Variants in CDH7 observed in about 807,000 individuals in gnomAD.
The protein encoded by CDH7 is cadherin 7.
Under a neutral mutation model 71.8 loss-of-function variants are expected in CDH7, and 25 were observed. The observed-to-expected ratio is 0.35, with a 90% CI of 0.25 to 0.49. The LOEUF (loss-of-function observed/expected upper bound fraction) is 0.49, where lower values mean the gene tolerates loss of function less well. CDH7 is among the 20% of genes least tolerant of loss of function. The pLI is 0.99. For missense variants in CDH7, 862 were observed against 974.6 expected (o/e 0.88, Z 1.54); for synonymous variants, 381 against 363.8 (o/e 1.05, Z -0.54).
intron 11 of CDH7, among the ~76,000 whole-genome samples, chr18:65,876,664 A>T (rs1363175843): frequency 4.6e-5 from 7 of 152,140 alleles, no homozygotes; most frequent in African/African-American, 1.7e-4. Context: ...TCTTTATAAG[A>T]TCATGTGTCC....
In CDH7 at chr18:65,886,132, T is replaced by G. The variant is rs1048139622; in HGVS notation, c.*5238T>G. The G allele has an allele frequency of 6.6e-6, 1 of 152,178 alleles. No homozygotes were observed. The highest frequency in any genetic ancestry group is 1.9e-4 in the East Asian group (1 of 5,194). 9.4% of individuals were successfully genotyped at this position (152,178 alleles called of 1,614,324 possible). ...TTTTCATTCTCTGAACTTTTATAGC[T>G]TCATGATTAAAATTGAGTTAATTAC... On this transcript the variant is annotated 3_prime_UTR_variant, in exon 12 of 12. Transcript: ENST00000397968.
At position 65,890,221 on chromosome 18, in the gene CDH7, T is replaced by G. The variant is rs1441556302; in HGVS notation, c.*9327T>G. On this transcript the variant is annotated 3_prime_UTR_variant, in exon 12 of 12. Coordinates refer to ENST00000397968, the MANE Select transcript of CDH7 (RefSeq NM_004361.5). The stretch of plus-strand genomic sequence containing the variant: ...TCCATTTAACCAATATTGTTATAAA[T>G]TTATGAAGCTTCAATTCTAGCAAAA... 1 of 152,192 alleles carries G rather than the reference T, an allele frequency of 6.6e-6. No homozygotes were observed. Among genetic ancestry groups the G allele is most frequent in the Non-Finnish European group, 1.5e-5 (1 of 68,030 alleles). The allele number at this position is 152,192 out of a possible 1,614,324, so 9.4% of individuals were successfully genotyped here. A position where few individuals can be genotyped will look rare whatever the true frequency, so the allele number is the denominator to read the frequency against.
chr18:65,837,654 G>A (rs955069317), intron 6 of CDH7, among the ~76,000 whole-genome samples: 48 of 152,118 alleles, frequency 3.2e-4, no homozygotes, highest in Admixed American at 3.1e-3. Flanking sequence ...CTAAAGAGAG[G>A]TCAGGGGCCT....
intron 2 of CDH7, among the ~76,000 whole-genome samples, chr18:65,769,107 G>A (rs986575199): frequency 6.6e-6 from 1 of 152,162 alleles, no homozygotes; most frequent in African/African-American, 2.4e-5. Flanking sequence ...ACCAACAGCT[G>A]TGGAGGTGGT....
chr18:65,760,776 T>A (rs961402530), intron 1 of CDH7, among the ~76,000 whole-genome samples: 2 of 152,190 alleles, frequency 1.3e-5, no homozygotes, highest in Admixed American at 1.3e-4. Flanking sequence ...CAGCCATTCC[T>A]ACTGAAGACC....
intron 2 of CDH7, among the ~76,000 whole-genome samples, chr18:65,794,367 T>C (rs1045077429): frequency 1.2e-4 from 18 of 152,128 alleles, no homozygotes; most frequent in Non-Finnish European, 2.5e-4. Context: ...TACTATGGAT[T>C]AGAGATGTTG....
chr18:65,774,671 T>C (rs1909870447), intron 2 of CDH7, among the ~76,000 whole-genome samples: 1 of 151,936 alleles, frequency 6.6e-6, no homozygotes, highest in African/African-American at 2.4e-5. Flanking sequence ...TCTCAGATAA[T>C]GTTGAGAGCC....
intron 2 of CDH7, among the ~76,000 whole-genome samples, chr18:65,788,579 G>C (rs962959420): frequency 6.6e-6 from 1 of 152,168 alleles, no homozygotes; most frequent in Non-Finnish European, 1.5e-5. Flanking sequence ...GGGGCCATCT[G>C]CCGGCTTGCT....
Position 65,854,932 on chromosome 18 carries a change from T to TATATATACAC in CDH7, c.1236-2883_1236-2882insTATATACACA, listed in dbSNP as rs67623413. ...GTATATGTGTACACATATATATATATACACACACATATATATACACACACA... is the reference window on the plus strand; with the variant it reads ...GTATATGTGTACACATATATATATATATATATACACACACACACATATATATACACACACA... On this transcript the variant is annotated intron_variant, in intron 7 of 11. Transcript: ENST00000397968. Among the ~76,000 whole-genome samples, 133 of 148,866 alleles carry TATATATACAC rather than the reference T, an allele frequency of 8.9e-4. 1 individual carries two copies. Among genetic ancestry groups the TATATATACAC allele is most frequent in the Middle Eastern group, 3.6e-3 (1 of 276 alleles).
intron 2 of CDH7, among the ~76,000 whole-genome samples, chr18:65,793,632 C>T (rs770395186): frequency 2.7e-4 from 41 of 152,110 alleles, no homozygotes; most frequent in Non-Finnish European, 4.9e-4. Context: ...AACATCTCAT[C>T]ACACTGTACT....
chr18:65,823,993 A>C (rs996626055), intron 5 of CDH7, among the ~76,000 whole-genome samples: 5 of 151,250 alleles, frequency 3.3e-5, no homozygotes, highest in African/African-American at 1.2e-4. Context: ...GTTATTACAA[A>C]AGTTAAACCA....
chr18:65,811,134 T>C (rs1383881820), intron 3 of CDH7, among the ~76,000 whole-genome samples: 3 of 151,148 alleles, frequency 2.0e-5, no homozygotes, highest in Non-Finnish European at 4.4e-5. Flanking sequence ...TTATTTAAAA[T>C]AATAATGGAA....
chr18:65,788,715 G>C (rs1910599301), intron 2 of CDH7, among the ~76,000 whole-genome samples: 1 of 152,158 alleles, frequency 6.6e-6, no homozygotes, highest in Non-Finnish European at 1.5e-5. Context: ...GAACAGAATA[G>C]TGAATGCTAT....
chr18:65,848,155 T>C (rs1030223811), intron 7 of CDH7, among the ~76,000 whole-genome samples: 2 of 152,094 alleles, frequency 1.3e-5, no homozygotes, highest in African/African-American at 2.4e-5. Context: ...TTCTGAGTGA[T>C]AGAAACTTCA....
At chr18:65,855,577 A>G (rs192682990) in intron 7 of CDH7, among the ~76,000 whole-genome samples, 100 of 152,288 alleles carry the variant, frequency 6.6e-4, no homozygotes, top group Non-Finnish European at 1.2e-3. Flanking sequence ...AAATAATCCC[A>G]TAACTATTAA....
intron 6 of CDH7, among the ~76,000 whole-genome samples, chr18:65,841,051 T>C (rs1426969318): frequency 6.6e-6 from 1 of 152,176 alleles, no homozygotes; most frequent in Admixed American, 6.6e-5. Context: ...ATCACATCTT[T>C]GAAAACTAGA....
chr18:65,862,656 G>T lies in CDH7; in HGVS notation c.1613-10G>T, dbSNP rs776405842. 2.5e-6 allele frequency: 4 copies of T among 1,611,874 alleles called. No homozygotes were observed. The highest frequency in any genetic ancestry group is 8.5e-7 in the Non-Finnish European group (1 of 1,178,454). On this transcript the variant is annotated splice_polypyrimidine_tract_variant and intron_variant, in intron 10 of 11. Coordinates refer to ENST00000397968, the MANE Select transcript of CDH7 (RefSeq NM_004361.5). Reference sequence around the variant, plus strand: ...AATCTGGTGTTATACATTTGCTTTCGTTATCCTAGACAACACAGCCTCAAT... The same window carrying T: ...AATCTGGTGTTATACATTTGCTTTCTTTATCCTAGACAACACAGCCTCAAT...
In CDH7 at chr18:65,757,905, CT is replaced by C. The variant is rs978900173; in HGVS notation, c.-196-4741del. ...TTTCTGACATGAATCTTGTTTTTAACTCCTGTATATGAAACTCAGATAGGAA... is the reference window on the plus strand; with the variant it reads ...TTTCTGACATGAATCTTGTTTTTAACCCTGTATATGAAACTCAGATAGGAA... On this transcript the variant is annotated intron_variant, in intron 1 of 11. Transcript: ENST00000397968. Among the ~76,000 whole-genome samples, 77 of 152,022 alleles carry C rather than the reference CT, an allele frequency of 5.1e-4. No individual in the cohort carries two copies. The Middle Eastern group carries it at 0.01, about 20-fold the overall frequency.
chr18:65,853,808 C>G (rs1156884192), intron 7 of CDH7, among the ~76,000 whole-genome samples: 1 of 149,652 alleles, frequency 6.7e-6, no homozygotes, highest in Non-Finnish European at 1.5e-5. Context: ...TAATGTATTT[C>G]CTGAAATAGT....
Sources: allele counts gnomAD v4.1 joint callset (sites outside exome capture counted in the v4.1 genomes callset), GRCh38; gene constraint gnomAD v4.1.1; transcripts MANE v1.5; gene names NCBI Gene and HGNC (gene_info 2026-07-23, HGNC 2026-07-21).